TMTC2: variants seen among roughly 807,000 people sequenced by gnomAD.
TMTC2 encodes the protein protein O-mannosyl-transferase TMTC2.
A neutral mutation model predicts 82.4 loss-of-function variants in TMTC2; 43 were observed. The ratio of observed to expected loss-of-function variants is 0.52; its 90% confidence interval spans 0.41 to 0.67. TMTC2 has a LOEUF of 0.67. TMTC2 is among the 30% of genes least tolerant of loss of function. TMTC2 has a pLI of 0.00. For missense variants in TMTC2, 919 were observed against 1,012.4 expected (o/e 0.91, Z 1.25); for synonymous variants, 408 against 381.9 (o/e 1.07, Z -0.80).
At chr12:83,042,908 C>T (rs1023288658) in intron 9 of TMTC2, among the ~76,000 whole-genome samples, 1 of 152,198 alleles carries the variant, frequency 6.6e-6, no homozygotes, top group Non-Finnish European at 1.5e-5. Flanking sequence ...GCCTCCCAGT[C>T]TCACAATAAG....
intron 9 of TMTC2, among the ~76,000 whole-genome samples, chr12:83,032,680 G>A (rs1881489890): frequency 6.6e-6 from 1 of 151,974 alleles, no homozygotes; most frequent in African/African-American, 2.4e-5. Flanking sequence ...AAATAGCTGG[G>A]ATTACAGGCA....
intron 1 of TMTC2, among the ~76,000 whole-genome samples, chr12:82,805,485 C>T (rs893926988): frequency 7.6e-5 from 11 of 145,600 alleles, no homozygotes; most frequent in African/African-American, 2.5e-4. Context: ...TAAGTTTACT[C>T]TCCTCTCCCC....
At chr12:82,893,369 C>CAA (rs71443447) in intron 2 of TMTC2, among the ~76,000 whole-genome samples, 5 of 122,670 alleles carry the variant, frequency 4.1e-5, no homozygotes, top group Admixed American at 1.7e-4. Context: ...GACTCTATCT[C>CAA]AAAAAAAAAA....
At chr12:82,856,635 C>T (rs965751470) in intron 1 of TMTC2, among the ~76,000 whole-genome samples, 4 of 152,144 alleles carry the variant, frequency 2.6e-5, no homozygotes, top group Non-Finnish European at 4.4e-5. Context: ...CTGGGCCTTG[C>T]TTCTTAAAAA....
intron 9 of TMTC2, among the ~76,000 whole-genome samples, chr12:83,035,762 A>G (rs1459057671): frequency 6.6e-6 from 1 of 152,144 alleles, no homozygotes; most frequent in Non-Finnish European, 1.5e-5. Context: ...GTACTCTCCA[A>G]AAGAATGAAG....
intron 8 of TMTC2, among the ~76,000 whole-genome samples, chr12:83,008,070 A>G (rs1392148168): frequency 3.9e-5 from 6 of 152,148 alleles, no homozygotes; most frequent in Admixed American, 1.3e-4. Context: ...GTCTTCCTAC[A>G]AGTTTGAATA....
chr12:83,077,214 A>C (rs908642788), intron 11 of TMTC2, among the ~76,000 whole-genome samples: 1 of 152,184 alleles, frequency 6.6e-6, no homozygotes, highest in Non-Finnish European at 1.5e-5. Context: ...ATGTGCAGGA[A>C]GGACTGTCTG....
intron 1 of TMTC2, among the ~76,000 whole-genome samples, chr12:82,719,834 A>G (rs533765899): frequency 3.9e-4 from 59 of 152,300 alleles, no homozygotes; most frequent in Middle Eastern, 3.4e-3. Flanking sequence ...CATAATGGAA[A>G]TGTTTTCTGT....
intron 11 of TMTC2, among the ~76,000 whole-genome samples, chr12:83,098,773 G>A (rs1474004111): frequency 2.0e-5 from 3 of 152,056 alleles, no homozygotes; most frequent in Non-Finnish European, 4.4e-5. Context: ...AGCATCTCTT[G>A]CCATCCATGC....
At position 83,084,936 on chromosome 12, in the gene TMTC2, A is replaced by G. The variant is rs150010942; in HGVS notation, c.2331+23105A>G. On this transcript the variant is annotated intron_variant, in intron 11 of 11. Coordinates refer to ENST00000321196, the MANE Select transcript of TMTC2 (RefSeq NM_152588.3). ...TGAATAACAAATTGGCTAAGCCTGC[A>G]TGCTTTCTGGGGAGAGTATTTTTTC... is the stretch of plus-strand genomic sequence containing the variant. 6.4e-4 allele frequency among the ~76,000 whole-genome samples: 97 copies of G among 152,350 alleles called. 1 individual carries two copies. The highest frequency in any genetic ancestry group is 2.3e-3 in the African/African-American group (94 of 41,586).
chr12:82,822,817 G>A (rs915184211), intron 1 of TMTC2, among the ~76,000 whole-genome samples: 5 of 152,140 alleles, frequency 3.3e-5, no homozygotes, highest in Admixed American at 6.5e-5. Context: ...TAGTCATTTT[G>A]TGCTTCGTAT....
chr12:83,042,651 C>T (rs549743210), intron 9 of TMTC2, among the ~76,000 whole-genome samples: 1 of 152,244 alleles, frequency 6.6e-6, no homozygotes, highest in South Asian at 2.1e-4. Context: ...CAGAAATTCC[C>T]ACACCCTGTC....
intron 11 of TMTC2, among the ~76,000 whole-genome samples, chr12:83,081,254 T>A (rs572409646): frequency 6.6e-6 from 1 of 152,212 alleles, no homozygotes; most frequent in Non-Finnish European, 1.5e-5. Flanking sequence ...AATTATTATT[T>A]CTTATTGCAT....
chr12:83,071,061 T>C (rs966341013), intron 11 of TMTC2, among the ~76,000 whole-genome samples: 4 of 152,214 alleles, frequency 2.6e-5, no homozygotes, highest in Non-Finnish European at 4.4e-5. Flanking sequence ...TGGTGGATTA[T>C]CTTTTTTATA....
chr12:83,019,832 C>A (rs939543880), intron 8 of TMTC2, among the ~76,000 whole-genome samples: 1 of 152,146 alleles, frequency 6.6e-6, no homozygotes, highest in African/African-American at 2.4e-5. Flanking sequence ...TCAGTACCCT[C>A]AGAGTGATAT....
At chr12:82,968,045 CAG>C (rs1878294851) in intron 7 of TMTC2, among the ~76,000 whole-genome samples, 1 of 152,004 alleles carries the variant, frequency 6.6e-6, no homozygotes, top group Non-Finnish European at 1.5e-5. Context: ...TTACAAAGGA[CAG>C]AACATTTAGA....
At chr12:83,120,673 G>A (rs543784938) in intron 11 of TMTC2, among the ~76,000 whole-genome samples, 2 of 152,266 alleles carry the variant, frequency 1.3e-5, no homozygotes, top group South Asian at 4.1e-4. Context: ...TGTTCTTTGT[G>A]CTTCTTGTAT....
intron 5 of TMTC2, 130 bp downstream of exon 5, chr12:82,965,239 C>T: frequency 2.9e-6 from 2 of 692,010 alleles, no homozygotes; most frequent in Non-Finnish European, 4.9e-6. Context: ...GATTATGAAC[C>T]TCTAACAATT....
At chr12:83,022,861 TGAA>T (rs1396141476) in intron 8 of TMTC2, among the ~76,000 whole-genome samples, 1 of 152,334 alleles carries the variant, frequency 6.6e-6, no homozygotes, top group Admixed American at 6.5e-5. Context: ...CACTGGATCT[TGAA>T]GAACTTTTGT....
Sources: gnomAD v4.1 joint callset for allele counts (sites outside exome capture counted in the v4.1 genomes callset) on GRCh38, gnomAD v4.1.1 for gene constraint, MANE v1.5 for transcripts, NCBI Gene and HGNC (gene_info 2026-07-23, HGNC 2026-07-21) for gene names.